The following SRPK2 variants were observed in gnomAD, a reference collection of about 807,000 sequenced individuals.
The protein encoded by SRPK2 is SFRS protein kinase 2.
Under a neutral mutation model 90.8 loss-of-function variants are expected in SRPK2, and 21 were observed. That is an observed-to-expected ratio of 0.23 (90% CI 0.16 to 0.33). The LOEUF (loss-of-function observed/expected upper bound fraction) is 0.33. Ranked by LOEUF, SRPK2 falls within the 10% of genes least tolerant of loss-of-function variation. The probability of loss-of-function intolerance (pLI) is 1.00; values close to 1 mark genes in which losing one functional copy is unlikely to be tolerated. For missense variants in SRPK2, 620 were observed against 869.0 expected, an observed-to-expected ratio of 0.71 and a Z score of 3.60; for synonymous variants, 288 against 311.1, an observed-to-expected ratio of 0.93 and a Z score of 0.78.
chr7:105,127,311 C>A (rs1367692287), intron 13 of SRPK2, among the ~76,000 whole-genome samples: 1 of 152,194 alleles, frequency 6.6e-6, no homozygotes, highest in Admixed American at 6.5e-5. Flanking sequence ...AAAACCAAAA[C>A]GTCAGTGAGT....
chr7:105,196,680 T>C (rs1380071554), intron 3 of SRPK2, among the ~76,000 whole-genome samples: 1 of 152,238 alleles, frequency 6.6e-6, no homozygotes, highest in Non-Finnish European at 1.5e-5. Context: ...CAAATATTTC[T>C]TTTGTTTGTT....
At chr7:105,312,525 T>C (rs1042498891) in intron 2 of SRPK2, among the ~76,000 whole-genome samples, 5 of 150,578 alleles carry the variant, frequency 3.3e-5, no homozygotes, top group Admixed American at 1.3e-4. Flanking sequence ...GGTCATTAAA[T>C]ATGTTAAATT....
intron 2 of SRPK2, among the ~76,000 whole-genome samples, chr7:105,373,846 C>T (rs1297882618): frequency 1.3e-5 from 2 of 152,176 alleles, no homozygotes; most frequent in Middle Eastern, 3.2e-3. Context: ...GCTCCCTGTA[C>T]CATACTTCCT....
At chr7:105,199,531 A>C (rs1437975312) in intron 3 of SRPK2, among the ~76,000 whole-genome samples, 2 of 152,174 alleles carry the variant, frequency 1.3e-5, no homozygotes, top group Non-Finnish European at 2.9e-5. Context: ...TCAGAGCATG[A>C]GTTAGGTGAG....
intron 2 of SRPK2, chr7:105,297,299 T>A (rs541022413): frequency 4.5e-6 from 1 of 221,516 alleles, no homozygotes; most frequent in East Asian, 1.8e-4. Context: ...GTTCAATAAA[T>A]ACACTGAATG....
Position 105,398,080 on chromosome 7 carries a change from A to G in SRPK2, n.153+1076T>C, listed in dbSNP as rs186774261. ...TAATAAAGGGAAGTATTAAATATTT[A>G]TAAAACTGGATATATTTTGGTCTCC... On this transcript the variant is annotated intron_variant and non_coding_transcript_variant, in intron 1 of 3. Coordinates refer to the SRPK2 transcript ENST00000462282. Among the ~76,000 whole-genome samples, 192 of 152,348 alleles carry G rather than the reference A, an allele frequency of 1.3e-3. 1 individual carries two copies. The highest frequency in any genetic ancestry group is 8.3e-4 in the South Asian group (4 of 4,830).
chr7:105,178,414 T>A (rs975984263), intron 3 of SRPK2, among the ~76,000 whole-genome samples: 12 of 152,344 alleles, frequency 7.9e-5, no homozygotes, highest in African/African-American at 2.9e-4. Context: ...CAATCTCTGT[T>A]ATTACAGTCA....
intron 11 of SRPK2, among the ~76,000 whole-genome samples, chr7:105,137,214 G>A (rs1378882425): frequency 6.6e-6 from 1 of 152,196 alleles, no homozygotes; most frequent in Non-Finnish European, 1.5e-5. Flanking sequence ...AAGCCAGTGT[G>A]AACGGTGTAG....
intron 2 of SRPK2, among the ~76,000 whole-genome samples, chr7:105,323,239 C>A (rs1813142646): frequency 6.6e-6 from 1 of 152,088 alleles, no homozygotes; most frequent in South Asian, 2.1e-4. Context: ...TATACATTTA[C>A]ATAAATATTG....
In SRPK2 at chr7:105,146,514, G is replaced by A. The variant is rs1197015608; in HGVS notation, c.766C>T (p.Pro256Ser). ...TCACCTGCAGACCCTGAAGGAGGAG[G>A]AGCACCTGCTTTCTGCCACTCAGTG... ...EATEWQKAGA[P>S]PPSGSAVSTA... The change falls in exon 8 of 16, where the codon CCT (proline) becomes TCT (serine). Residue 256 changes from proline (P) to serine (S), a missense_variant. This residue lies in a region of SRPK2 where 196 missense variants were observed against 339.2 expected (regional missense o/e 0.58). Coordinates refer to ENST00000393651, the MANE Select transcript of SRPK2 (RefSeq NM_182692.3). 6.2e-7 allele frequency: 1 copy of A among 1,613,992 alleles called. No homozygotes were observed. Among genetic ancestry groups the A allele is most frequent in the Non-Finnish European group, 8.5e-7 (1 of 1,180,016 alleles).
At chr7:105,244,254 G>T (rs900337189) in intron 2 of SRPK2, among the ~76,000 whole-genome samples, 1 of 152,166 alleles carries the variant, frequency 6.6e-6, no homozygotes, top group Non-Finnish European at 1.5e-5. Context: ...AAAACAAAAA[G>T]ATACTGTCCA....
chr7:105,174,714 A>G (rs897565070), intron 3 of SRPK2, among the ~76,000 whole-genome samples: 1 of 152,246 alleles, frequency 6.6e-6, no homozygotes, highest in Non-Finnish European at 1.5e-5. Flanking sequence ...GGAAGATTTG[A>G]ACACACTATC....
At chr7:105,231,171 A>T (rs955529166) in intron 2 of SRPK2, among the ~76,000 whole-genome samples, 1 of 152,148 alleles carries the variant, frequency 6.6e-6, no homozygotes, top group East Asian at 1.9e-4. Context: ...CCTTATAAAT[A>T]AGAACATGTG....
chr7:105,305,860 G>C (rs192682947), intron 2 of SRPK2, among the ~76,000 whole-genome samples: 30 of 152,340 alleles, frequency 2.0e-4, no homozygotes, highest in Admixed American at 1.6e-3. Context: ...CGGGGAAAAG[G>C]CTAGACTGAG....
chr7:105,384,290 G>C (rs1461956114), intron 2 of SRPK2, among the ~76,000 whole-genome samples: 1 of 152,120 alleles, frequency 6.6e-6, no homozygotes, highest in Non-Finnish European at 1.5e-5. Flanking sequence ...TACTCACAAA[G>C]CAGCACAATT....
rs369775326 is a variant in SRPK2 at position 105,120,861 on chromosome 7, A to T, written c.1916-2839T>A. ...CTCTGTATCTATTGCTAGGAGACAC[A>T]ACAAGAGTGGGCTCACTGAATGAGT... On this transcript the variant is annotated intron_variant, in intron 15 of 15. Coordinates refer to ENST00000393651, the MANE Select transcript of SRPK2 (RefSeq NM_182692.3). 5.9e-5 allele frequency among the ~76,000 whole-genome samples: 9 copies of T among 152,330 alleles called. No individual in the cohort carries two copies. The South Asian group carries it at 1.9e-3, about 32-fold the overall frequency.
chr7:105,132,684 A>T, intron 13 of SRPK2, 107 bp downstream of exon 13: 1 of 865,246 alleles, frequency 1.2e-6, no homozygotes, highest in Non-Finnish European at 1.8e-6. Context: ...GATGACCCTT[A>T]CAGTCAGAAA....
rs368693278 is a variant in SRPK2 at position 105,145,887 on chromosome 7, GC to G, written c.788-580del. Reference sequence around the variant, plus strand: ...AAGAGAGCCCCAGGCAGTCCCAGGAGCCTCAGCCCTTTAGTATCCATGCTTG... The same window carrying G: ...AAGAGAGCCCCAGGCAGTCCCAGGAGCTCAGCCCTTTAGTATCCATGCTTG... On this transcript the variant is annotated intron_variant, in intron 8 of 15. Coordinates refer to ENST00000393651, the MANE Select transcript of SRPK2 (RefSeq NM_182692.3). 3.9e-5 allele frequency among the ~76,000 whole-genome samples: 6 copies of G among 152,260 alleles called. No individual in the cohort carries two copies. The East Asian group carries it at 1.2e-3, about 29-fold the overall frequency.
chr7:105,344,840 T>TAAAAAA (rs35086357), intron 2 of SRPK2, among the ~76,000 whole-genome samples: 2 of 141,336 alleles, frequency 1.4e-5, no homozygotes, highest in Non-Finnish European at 3.1e-5. Flanking sequence ...CACTCACACT[T>TAAAAAA]AAAAAAAAAA....
Sources: allele counts gnomAD v4.1 joint callset (sites outside exome capture counted in the v4.1 genomes callset), GRCh38; gene constraint gnomAD v4.1.1; regional missense constraint gnomAD v4.1.1; transcripts MANE v1.5; gene names NCBI Gene and HGNC (gene_info 2026-07-23, HGNC 2026-07-21).